Variants in DPP6 observed in about 807,000 individuals in gnomAD.
DPP6 encodes A-type potassium channel modulatory protein DPP6.
A neutral mutation model predicts 122.6 loss-of-function variants in DPP6; 69 were observed. The ratio of observed to expected loss-of-function variants is 0.56; its 90% CI spans 0.46 to 0.69. The LOEUF is 0.69. Among genes scored for constraint, DPP6 ranks in the 30% least tolerant of loss-of-function variants. DPP6 has a pLI of 0.00. For synonymous variants in DPP6, 418 were observed against 433.1 expected, an observed-to-expected ratio of 0.97 and a Z score of 0.43; for missense variants, 928 against 1,116.9, an observed-to-expected ratio of 0.83 and a Z score of 2.41.
At chr7:154,880,864 T>G (rs779601181) in intron 20 of DPP6, 24 bp from the exon 21 acceptor site, 6 of 1,613,906 alleles carry the variant, frequency 3.7e-6, no homozygotes, top group Non-Finnish European at 5.1e-6. Flanking sequence ...CACTGAACCC[T>G]CTTTCCCCTC....
At chr7:153,814,512 T>C in the DPP6 span, among the ~76,000 whole-genome samples, 6 of 152,058 alleles carry the variant, frequency 3.9e-5, no homozygotes, top group Admixed American at 3.3e-4. Context: ...GATTCACAGC[T>C]GAATTCTACC....
chr7:154,604,350 A>G (rs116987496), intron 5 of DPP6, among the ~76,000 whole-genome samples: 2,148 of 120,578 alleles, frequency 0.018, 656 homozygotes, highest in South Asian at 0.03. Flanking sequence ...TGCACCTGAT[A>G]TGGTCAGTCC....
intron 1 of DPP6, among the ~76,000 whole-genome samples, chr7:153,956,070 G>A (rs1369482187): frequency 2.0e-5 from 3 of 152,240 alleles, no homozygotes; most frequent in Admixed American, 6.5e-5. Context: ...AAAAGTACCG[G>A]ATGGAGCAGA....
chr7:154,063,163 T>G (rs371293786), intron 1 of DPP6, among the ~76,000 whole-genome samples: 2 of 72,794 alleles, frequency 2.7e-5, no homozygotes, highest in East Asian at 1.0e-3. Flanking sequence ...GCTATCCCCT[T>G]TTCCGCCCCT....
At chr7:153,920,367 C>G (rs190437604) in intron 1 of DPP6, among the ~76,000 whole-genome samples, 1 of 151,306 alleles carries the variant, frequency 6.6e-6, no homozygotes, top group East Asian at 1.9e-4. Context: ...GAATCTTTTG[C>G]GATGCTGTGT....
intron 1 of DPP6, among the ~76,000 whole-genome samples, chr7:154,389,356 C>T (rs933859380): frequency 6.6e-6 from 1 of 152,140 alleles, no homozygotes; most frequent in Non-Finnish European, 1.5e-5. Context: ...TAGATATTTT[C>T]ATTTCAGGCT....
At chr7:154,008,755 A>G (rs369500971) in intron 1 of DPP6, among the ~76,000 whole-genome samples, 2,729 of 127,488 alleles carry the variant, frequency 0.021, 41 homozygotes, top group Non-Finnish European at 0.026. Context: ...TCCGCCTCCC[A>G]GGTTCACGCC....
chr7:154,258,468 A>G, intron 1 of DPP6, among the ~76,000 whole-genome samples: 1 of 152,220 alleles, frequency 6.6e-6, no homozygotes, highest in East Asian at 1.9e-4. Flanking sequence ...AGAGCAGACC[A>G]GGGAGGCTGA....
At chr7:153,921,170 G>A (rs1485533470) in intron 1 of DPP6, among the ~76,000 whole-genome samples, 4 of 152,168 alleles carry the variant, frequency 2.6e-5, no homozygotes, top group Non-Finnish European at 5.9e-5. Flanking sequence ...TGTATTTTAG[G>A]TACAGGCTGT....
chr7:154,217,858 C>T (rs1448195598), intron 1 of DPP6, among the ~76,000 whole-genome samples: 2 of 152,148 alleles, frequency 1.3e-5, no homozygotes, highest in African/African-American at 4.8e-5. Flanking sequence ...GGTTCCTCCA[C>T]GCTGCCCAAG....
At chr7:154,349,774 C>G (rs1158644152) in intron 1 of DPP6, among the ~76,000 whole-genome samples, 1 of 152,084 alleles carries the variant, frequency 6.6e-6, no homozygotes, top group African/African-American at 2.4e-5. Flanking sequence ...CTTCTGAAGA[C>G]CTCTGTAAAG....
intron 1 of DPP6, among the ~76,000 whole-genome samples, chr7:154,434,919 C>T (rs1487061597): frequency 6.6e-6 from 1 of 152,176 alleles, no homozygotes; most frequent in Admixed American, 6.5e-5. Context: ...ACTGCAACCT[C>T]TGCCTCCCAG....
the DPP6 span, among the ~76,000 whole-genome samples, chr7:153,867,731 T>A: frequency 6.6e-6 from 1 of 152,150 alleles, no homozygotes; most frequent in South Asian, 2.1e-4. Flanking sequence ...CTTGTGCCGG[T>A]TTTCAAAGGG....
At chr7:154,629,593 A>C (rs986689260) in intron 5 of DPP6, among the ~76,000 whole-genome samples, 1 of 152,022 alleles carries the variant, frequency 6.6e-6, no homozygotes, top group Non-Finnish European at 1.5e-5. Context: ...CTCTGGGCTC[A>C]TCTACACCTC....
intron 1 of DPP6, among the ~76,000 whole-genome samples, chr7:154,237,726 T>C (rs1801310276): frequency 6.6e-6 from 1 of 152,226 alleles, no homozygotes; most frequent in Non-Finnish European, 1.5e-5. Context: ...CAGCAGATGC[T>C]TCAGGGATCT....
At chr7:154,460,205 C>T (rs934705855) in intron 2 of DPP6, among the ~76,000 whole-genome samples, 2 of 152,088 alleles carry the variant, frequency 1.3e-5, no homozygotes, top group Non-Finnish European at 2.9e-5. Context: ...TAGTCTTGAA[C>T]TCCTGACCTC....
intron 5 of DPP6, among the ~76,000 whole-genome samples, chr7:154,631,466 C>T (rs988688304): frequency 3.3e-5 from 4 of 121,030 alleles, no homozygotes; most frequent in Non-Finnish European, 6.8e-5. Context: ...AGAAAGTGAG[C>T]CAGTGAAGCA....
intron 1 of DPP6, among the ~76,000 whole-genome samples, chr7:154,425,621 G>GGGGTGTGTGTGTGT (rs1554545601): frequency 8.2e-6 from 1 of 121,460 alleles, no homozygotes; most frequent in African/African-American, 4.2e-5. Flanking sequence ...TGTGTGTGTG[G>GGGGTGTGTGTGTGT]GTGTGTGTGT....
intron 3 of DPP6, among the ~76,000 whole-genome samples, chr7:154,502,928 G>A (rs1825371231): frequency 6.6e-6 from 1 of 152,158 alleles, no homozygotes; most frequent in African/African-American, 2.4e-5. Flanking sequence ...TGTTTCACAT[G>A]CCTGTGACTC....
Sources: gnomAD v4.1 joint callset for allele counts (sites outside exome capture counted in the v4.1 genomes callset) on GRCh38, gnomAD v4.1.1 for gene constraint, MANE v1.5 for transcripts, NCBI Gene and HGNC (gene_info 2026-07-23, HGNC 2026-07-21) for gene names.